FOXK1: variants seen among roughly 807,000 people sequenced by gnomAD.
FOXK1 encodes the protein forkhead box K1.
FOXK1 carries 19 observed loss-of-function variants against 51.9 expected under a neutral mutation model. That is an observed-to-expected ratio of 0.37 (90% confidence interval 0.26 to 0.54). The LOEUF is 0.54. Among genes scored for constraint, FOXK1 ranks in the 20% least tolerant of loss-of-function variants. The pLI is 0.87. For synonymous variants in FOXK1, 537 were observed against 482.6 expected, an observed-to-expected ratio of 1.11 and a Z score of -1.48; for missense variants, 870 against 1,032.7, an observed-to-expected ratio of 0.84 and a Z score of 2.16.
In FOXK1 at chr7:4,762,111, G is replaced by A. The variant is rs1780940104; in HGVS notation, c.1922-73G>A. The A allele has an allele frequency of 2.7e-6, 4 of 1,487,070 alleles. No individual in the cohort carries two copies. The highest frequency in any genetic ancestry group is 1.3e-5 in the South Asian group (1 of 74,864). 92.1% of individuals were successfully genotyped at this position (1,487,070 alleles called of 1,614,324 possible). A position where few individuals can be genotyped will look rare whatever the true frequency, so the allele number is the denominator to read the frequency against. ...GTTCCGGCTTGGTGGCTTAGCCCCT[G>A]TATAGGGGACTTGAAAAAAGCAGCT... On this transcript the variant is annotated intron_variant, in intron 8 of 8. Coordinates refer to ENST00000328914, the MANE Select transcript of FOXK1 (RefSeq NM_001037165.2). The surrounding 1 kb of genome is among the most constrained non-coding windows in gnomAD (Gnocchi z 5.7).
In FOXK1 at chr7:4,759,144, C is replaced by G. The variant is rs372852620; in HGVS notation, c.1338C>G (p.Pro446=). Residue 446 remains proline, a synonymous_variant, in exon 6 of 9, where the codon CCC becomes CCG. Coordinates refer to ENST00000328914, the MANE Select transcript of FOXK1 (RefSeq NM_001037165.2). ...TPECLSREGS[P]IPHDPEFGSK... ...AGTGCCTGTCTCGGGAGGGCTCCCC[C>G]ATTCCACACGACCCTGAGTTTGGGT... The G allele has an allele frequency of 1.9e-6, 3 of 1,612,684 alleles. No individual in the cohort carries two copies. The highest frequency in any genetic ancestry group is 2.7e-5 in the African/African-American group (2 of 75,066).
intron 1 of FOXK1, among the ~76,000 whole-genome samples, chr7:4,719,398 C>T (rs1379974122): frequency 6.6e-6 from 1 of 152,186 alleles, no homozygotes. Context: ...CCTCTGCCTC[C>T]CAACGTGCTG....
Position 4,730,817 on chromosome 7 carries a change from T to C in FOXK1, c.561-10021T>C, listed in dbSNP as rs1780442547. 6.6e-6 allele frequency among the ~76,000 whole-genome samples: 1 copy of C among 152,196 alleles called. No individual in the cohort carries two copies. The highest frequency in any genetic ancestry group is 2.4e-5 in the African/African-American group (1 of 41,452). ...AGACAGTATTTTAGGTTAAAAAATT[T>C]AAGGTTGTCAGAATTCTCTGATTTG... On this transcript the variant is annotated intron_variant, in intron 1 of 8. Transcript: ENST00000328914. The surrounding 1 kb of genome is among the most constrained non-coding windows in gnomAD (Gnocchi z 4.7).
At chr7:4,688,178 CG>C (rs1205088121) in intron 1 of FOXK1, among the ~76,000 whole-genome samples, 4 of 149,644 alleles carry the variant, frequency 2.7e-5, no homozygotes, top group African/African-American at 9.8e-5. Flanking sequence ...CTTTCCCCCT[CG>C]CCCCAGTTCT....
At position 4,762,577 on chromosome 7, in the gene FOXK1, T is replaced by G. The variant is rs1562393394; in HGVS notation, c.*113T>G. On this transcript the variant is annotated 3_prime_UTR_variant, in exon 9 of 9. Coordinates refer to ENST00000328914, the MANE Select transcript of FOXK1 (RefSeq NM_001037165.2). The surrounding 1 kb of genome is among the most constrained non-coding windows in gnomAD (Gnocchi z 5.7). ...GAGGAGAACAGCCCGCGGCGGCCTG[T>G]GGGCATCGGCGGCACCTGGACACAC... 4 of 1,117,728 alleles carry G rather than the reference T, an allele frequency of 3.6e-6. No individual in the cohort carries two copies. The East Asian group carries it at 1.0e-4, about 29-fold the overall frequency. The allele number at this position is 1,117,728 out of a possible 1,614,324, so 69.2% of individuals were successfully genotyped here. A position where few individuals can be genotyped will look rare whatever the true frequency, so the allele number is the denominator to read the frequency against.
rs986757264 is a variant in FOXK1, at chr7:4,735,693, G to A, written c.561-5145G>A. Among the ~76,000 whole-genome samples, 4 of 152,166 alleles carry A rather than the reference G, an allele frequency of 2.6e-5. No individual in the cohort carries two copies. Among genetic ancestry groups the A allele is most frequent in the African/African-American group, 9.7e-5 (4 of 41,438 alleles). On this transcript the variant is annotated intron_variant, in intron 1 of 8. Transcript: ENST00000328914. This position sits in a 1 kb window ranked among gnomAD's most constrained non-coding sequence, Gnocchi z 4.7. ...CACACTTAACCTTAGCGGAATCTCC[G>A]CCGGTCAAGACCGGCAGTGTGTGTG...
intron 2 of FOXK1, among the ~76,000 whole-genome samples, chr7:4,752,566 C>T (rs1226635466): frequency 6.6e-6 from 1 of 152,242 alleles, no homozygotes; most frequent in African/African-American, 2.4e-5. Context: ...CATTGGTCCT[C>T]AGGAAGGATC....
intron 2 of FOXK1, among the ~76,000 whole-genome samples, chr7:4,752,598 A>G (rs549183000): frequency 2.0e-4 from 30 of 152,294 alleles, no homozygotes; most frequent in Admixed American, 1.4e-3. Context: ...CTGCCACCTC[A>G]TGGGCCTCGG....
At chr7:4,727,762 G>A (rs1562380677) in intron 1 of FOXK1, among the ~76,000 whole-genome samples, 1 of 152,252 alleles carries the variant, frequency 6.6e-6, no homozygotes, top group African/African-American at 2.4e-5. Context: ...TCTCCTGGGT[G>A]GGAACCCGCG....
chr7:4,737,511 T>TC (rs2115058899), intron 1 of FOXK1, among the ~76,000 whole-genome samples: 1 of 151,510 alleles, frequency 6.6e-6, no homozygotes, highest in South Asian at 2.1e-4. Context: ...TGTGGGCGTG[T>TC]CCGTGCATGC....
intron 2 of FOXK1, among the ~76,000 whole-genome samples, chr7:4,744,480 C>G (rs1780676000): frequency 6.6e-6 from 1 of 152,256 alleles, no homozygotes; most frequent in Admixed American, 6.5e-5. Context: ...TGTTCAGCCA[C>G]TGCTTGTAAG....
rs1171791658 is a variant in FOXK1, at chr7:4,682,921, C to T, written c.560+53C>T. ...CGCACCCGGGGCTCGCCCACGACCTCGATCTCTGAGGCCCGGGCCTGGGGA... is the reference window on the plus strand; with the variant it reads ...CGCACCCGGGGCTCGCCCACGACCTTGATCTCTGAGGCCCGGGCCTGGGGA... On this transcript the variant is annotated intron_variant, in intron 1 of 8. Transcript: ENST00000328914. The surrounding 1 kb of genome is among the most constrained non-coding windows in gnomAD (Gnocchi z 7.6). 64 of 1,406,290 alleles carry T rather than the reference C, an allele frequency of 4.6e-5. No individual in the cohort carries two copies. The highest frequency in any genetic ancestry group is 5.2e-4 in the Middle Eastern group (2 of 3,848). The allele number at this position is 1,406,290 out of a possible 1,614,324, so 87.1% of individuals were successfully genotyped here.
At chr7:4,692,620 CCTAACCTCAGGTCATCCTT>C (rs1233526379) in intron 1 of FOXK1, among the ~76,000 whole-genome samples, 4 of 152,180 alleles carry the variant, frequency 2.6e-5, no homozygotes, top group African/African-American at 9.6e-5. Flanking sequence ...GTCTCGAACT[CCTAACCTCAGGTCATCCTT>C]CTGACCTCAG....
chr7:4,750,135 A>G (rs958278240), intron 2 of FOXK1, among the ~76,000 whole-genome samples: 11 of 152,330 alleles, frequency 7.2e-5, no homozygotes, highest in Non-Finnish European at 1.3e-4. Context: ...AAGCAAAATC[A>G]GGGCCTAGGG....
rs1780970439 is a variant in FOXK1 at position 4,763,790 on chromosome 7, C to G, written c.*1326C>G. 6.6e-6 allele frequency: 1 copy of G among 152,308 alleles called. No homozygotes were observed. The highest frequency in any genetic ancestry group is 1.5e-5 in the Non-Finnish European group (1 of 68,088). The allele number at this position is 152,308 out of a possible 1,614,324, so 9.4% of individuals were successfully genotyped here. On this transcript the variant is annotated 3_prime_UTR_variant, in exon 9 of 9. Coordinates refer to ENST00000328914, the MANE Select transcript of FOXK1 (RefSeq NM_001037165.2). Reference sequence around the variant, plus strand: ...GAGCTGTCTAATGCTGAGCCCAGCTCAGGAAGGAGAGAGGAGTCCTTCAGT... The same window carrying G: ...GAGCTGTCTAATGCTGAGCCCAGCTGAGGAAGGAGAGAGGAGTCCTTCAGT...
intron 1 of FOXK1, among the ~76,000 whole-genome samples, chr7:4,721,663 T>C (rs1015281276): frequency 1.4e-5 from 2 of 146,792 alleles, no homozygotes; most frequent in Non-Finnish European, 3.0e-5. Context: ...CGATCTTGGC[T>C]CACTGCAACC....
At chr7:4,744,821 A>C (rs1317622659) in intron 2 of FOXK1, among the ~76,000 whole-genome samples, 3 of 152,264 alleles carry the variant, frequency 2.0e-5, no homozygotes, top group Non-Finnish European at 4.4e-5. Context: ...CGCCCTGTGC[A>C]AAGACCGGAT....
In FOXK1 at chr7:4,754,509, A is replaced by G. The variant is rs564839907; in HGVS notation, c.797A>G (p.Tyr266Cys). 6 of 1,612,982 alleles carry G rather than the reference A, an allele frequency of 3.7e-6. No homozygotes were observed. In the South Asian group the frequency reaches 5.5e-5, roughly 15 times the overall value. Reference protein sequence around the residue: ...ASPRGAGSSSYRFVQNVTSDL... With the variant: ...ASPRGAGSSSCRFVQNVTSDL... ...CCACGCGGTGCCGGCTCCTCCAGTT[A>G]CCGCTTTGTGCAGAACGTGACCTCG... Residue 266 changes from tyrosine to cysteine, a missense_variant, in exon 3 of 9, where the codon TAC becomes TGC. Coordinates refer to ENST00000328914, the MANE Select transcript of FOXK1 (RefSeq NM_001037165.2).
At position 4,749,913 on chromosome 7, in the gene FOXK1, C is replaced by T. The variant is rs140889268; in HGVS notation, c.747-4546C>T. On this transcript the variant is annotated intron_variant, in intron 2 of 8. Coordinates refer to ENST00000328914, the MANE Select transcript of FOXK1 (RefSeq NM_001037165.2). The surrounding 1 kb of genome is among the most constrained non-coding windows in gnomAD (Gnocchi z 6.0). ...GCGACCTGTGTGTCCCACAGCCCGT[C>T]CGTCCCTCTGCAGTCTCCCTGCACT... is the stretch of plus-strand genomic sequence containing the variant. 3.9e-5 allele frequency among the ~76,000 whole-genome samples: 6 copies of T among 152,342 alleles called. No homozygotes were observed. The highest frequency in any genetic ancestry group is 7.2e-5 in the African/African-American group (3 of 41,582).
Sources: allele counts gnomAD v4.1 joint callset (sites outside exome capture counted in the v4.1 genomes callset), GRCh38; gene constraint gnomAD v4.1.1; non-coding constraint Gnocchi (gnomAD v3.1); transcripts MANE v1.5; gene names NCBI Gene and HGNC (gene_info 2026-07-23, HGNC 2026-07-21).